SLC39A10: variants seen among roughly 807,000 people sequenced by gnomAD.
SLC39A10 encodes the protein zinc transporter ZIP10.
A neutral mutation model predicts 65.1 loss-of-function variants in SLC39A10; 13 were observed. That is an observed-to-expected ratio of 0.20 (90% CI 0.13 to 0.32). SLC39A10 has a LOEUF of 0.32. Ranked by LOEUF, SLC39A10 falls within the 10% of genes least tolerant of loss-of-function variation. SLC39A10 has a pLI of 1.00. For missense variants in SLC39A10, 831 were observed against 1,018.4 expected (o/e 0.82, Z 2.50); for synonymous variants, 321 against 342.2 (o/e 0.94, Z 0.68).
intron 1 of SLC39A10, among the ~76,000 whole-genome samples, chr2:195,677,275 G>T (rs949459931): frequency 2.6e-5 from 4 of 152,098 alleles, no homozygotes; most frequent in African/African-American, 9.7e-5. Flanking sequence ...TCATGGCCAG[G>T]TATGGTAGCT....
At chr2:195,730,129 C>T (rs1036428842) in intron 9 of SLC39A10, among the ~76,000 whole-genome samples, 6 of 151,792 alleles carry the variant, frequency 4.0e-5, no homozygotes, top group Non-Finnish European at 1.5e-5. Flanking sequence ...AAATTTTCCT[C>T]TTTTTTTGAG....
At chr2:195,697,298 G>A (rs1304682025) in intron 3 of SLC39A10, among the ~76,000 whole-genome samples, 1 of 152,042 alleles carries the variant, frequency 6.6e-6, no homozygotes, top group Non-Finnish European at 1.5e-5. Context: ...GTCTGTAGGG[G>A]GGTACTAGAA....
At chr2:195,733,145 C>G (rs367592565) in intron 9 of SLC39A10, among the ~76,000 whole-genome samples, 1 of 152,076 alleles carries the variant, frequency 6.6e-6, no homozygotes, top group Admixed American at 6.6e-5. Context: ...TCTTCCTAGA[C>G]AGGAAGAAGT....
intron 2 of SLC39A10, among the ~76,000 whole-genome samples, chr2:195,642,411 C>T (rs539647599): frequency 6.6e-6 from 1 of 152,144 alleles, no homozygotes; most frequent in Non-Finnish European, 1.5e-5. Flanking sequence ...CTCCCTCAAA[C>T]CCCTGAGGAA....
At position 195,680,368 on chromosome 2, in the gene SLC39A10, T is replaced by G. The variant is rs764345635; in HGVS notation, c.326T>G (p.Val109Gly). ...INHEDLGHDH[V>G]SHLDILAVQE... is the part of the protein sequence containing the mutation. ...CATGAGGATCTTGGCCACGATCATGTTTCTCATTTAGATATTTTGGCAGTT... is the reference window on the plus strand; with the variant it reads ...CATGAGGATCTTGGCCACGATCATGGTTCTCATTTAGATATTTTGGCAGTT... Residue 109 changes from valine to glycine, a missense_variant, in exon 2 of 10, where the codon GTT becomes GGT. This residue lies in a region of SLC39A10 where 446 missense variants were observed against 499.2 expected (regional missense o/e 0.89). Coordinates refer to ENST00000359634, the MANE Select transcript of SLC39A10 (RefSeq NM_020342.3). The G allele has an allele frequency of 1.2e-6, 2 of 1,614,162 alleles. No individual in the cohort carries two copies. The highest frequency in any genetic ancestry group is 1.7e-6 in the Non-Finnish European group (2 of 1,180,022).
chr2:195,714,639 A>G (rs1691719302), intron 6 of SLC39A10, among the ~76,000 whole-genome samples: 1 of 152,242 alleles, frequency 6.6e-6, no homozygotes, highest in Non-Finnish European at 1.5e-5. Flanking sequence ...TTAAAACCAT[A>G]AAAGGGGAAA....
chr2:195,644,353 T>G (rs1688867481), intron 2 of SLC39A10, among the ~76,000 whole-genome samples: 1 of 149,958 alleles, frequency 6.7e-6, no homozygotes, highest in Non-Finnish European at 1.5e-5. Context: ...TTTTTTTTTT[T>G]TTTTTTGAGA....
intron 2 of SLC39A10, among the ~76,000 whole-genome samples, chr2:195,630,202 C>G (rs1402541474): frequency 5.5e-5 from 8 of 146,438 alleles, no homozygotes; most frequent in Non-Finnish European, 7.4e-5. Context: ...AGACAAACTC[C>G]TGGGCTTTTG....
intron 8 of SLC39A10, among the ~76,000 whole-genome samples, chr2:195,720,814 G>A (rs529860328): frequency 1.3e-5 from 2 of 152,232 alleles, no homozygotes; most frequent in South Asian, 4.1e-4. Flanking sequence ...AGTTTTCATA[G>A]TCTTTATATC....
chr2:195,691,003 CT>C (rs906952296), intron 3 of SLC39A10, among the ~76,000 whole-genome samples: 6 of 152,200 alleles, frequency 3.9e-5, no homozygotes, highest in Middle Eastern at 3.4e-3. Context: ...CCTTACCCCC[CT>C]CCCACCCTTT....
At chr2:195,689,667 T>C (rs556490586) in intron 3 of SLC39A10, among the ~76,000 whole-genome samples, 2 of 152,240 alleles carry the variant, frequency 1.3e-5, no homozygotes, top group South Asian at 4.2e-4. Flanking sequence ...TCTGTAACTC[T>C]TTTCATCTTG....
At chr2:195,733,548 G>A (rs1373158680) in intron 9 of SLC39A10, among the ~76,000 whole-genome samples, 1 of 146,836 alleles carries the variant, frequency 6.8e-6, no homozygotes, top group African/African-American at 2.5e-5. Flanking sequence ...TTTTTTTTTT[G>A]AGACGGAGTT....
At chr2:195,645,560 A>G (rs1688897616) in intron 2 of SLC39A10, among the ~76,000 whole-genome samples, 1 of 152,200 alleles carries the variant, frequency 6.6e-6, no homozygotes, top group South Asian at 2.1e-4. Flanking sequence ...CAGAAACGCT[A>G]CCAATTAAAC....
intron 2 of SLC39A10, among the ~76,000 whole-genome samples, chr2:195,613,838 A>G (rs1688149450): frequency 6.6e-6 from 1 of 152,226 alleles, no homozygotes; most frequent in South Asian, 2.1e-4. Context: ...GGTTGCTAAT[A>G]TTTATTATTC....
intron 1 of SLC39A10, among the ~76,000 whole-genome samples, chr2:195,660,075 T>A (rs180862420): frequency 2.4e-4 from 37 of 152,296 alleles, no homozygotes; most frequent in African/African-American, 8.7e-4. Context: ...GCACAGTTTT[T>A]TTTGTCACAT....
At position 195,667,456 on chromosome 2, in the gene SLC39A10, G is replaced by T. The variant is rs894495138; in HGVS notation, c.-12+10175G>T. Among the ~76,000 whole-genome samples, 4 of 152,278 alleles carry T rather than the reference G, an allele frequency of 2.6e-5. No individual in the cohort carries two copies. In the East Asian group the frequency reaches 7.7e-4, roughly 29 times the overall value. ...TTCTGCTCAGATACTAGTGAATTGG[G>T]TGCCTCCTGCAATCTAGAGCAGGTC... On this transcript the variant is annotated intron_variant, in intron 1 of 9. Transcript: ENST00000359634.
intron 3 of SLC39A10, among the ~76,000 whole-genome samples, chr2:195,697,877 T>C (rs1298137046): frequency 6.6e-6 from 1 of 152,148 alleles, no homozygotes; most frequent in African/African-American, 2.4e-5. Context: ...TGAGATACCA[T>C]CTTACACCAG....
At chr2:195,708,924 T>A in intron 5 of SLC39A10, 80 bp downstream of exon 5, 1 of 997,564 alleles carries the variant, frequency 1.0e-6, no homozygotes, top group Non-Finnish European at 1.4e-6. Flanking sequence ...ATGCTTTCCT[T>A]AATTATGATG....
intron 2 of SLC39A10, among the ~76,000 whole-genome samples, chr2:195,625,015 A>G (rs1053645891): frequency 1.3e-5 from 2 of 150,796 alleles, no homozygotes; most frequent in African/African-American, 4.9e-5. Context: ...TCAGGAGTTC[A>G]AGACCAGCCT....
Sources: gnomAD v4.1 joint callset for allele counts (sites outside exome capture counted in the v4.1 genomes callset) on GRCh38, gnomAD v4.1.1 for gene constraint, gnomAD v4.1.1 regional missense constraint, MANE v1.5 for transcripts, NCBI Gene and HGNC (gene_info 2026-07-23, HGNC 2026-07-21) for gene names.